Variants in IL1A observed in about 807,000 individuals in gnomAD.
The protein encoded by IL1A is interleukin 1 alpha, also known as interleukin-1 alpha.
In IL1A, 16 loss-of-function variants were observed where a neutral mutation model predicts 22.2. That is an observed-to-expected ratio of 0.72 (90% confidence interval 0.49 to 1.09). The LOEUF (loss-of-function observed/expected upper bound fraction) is 1.09. IL1A is among the 50% of genes least tolerant of loss of function. IL1A has a pLI of 0.00. For missense variants in IL1A, 317 were observed against 321.8 expected, an observed-to-expected ratio of 0.99 and a Z score of 0.11; for synonymous variants, 113 against 118.5, an observed-to-expected ratio of 0.95 and a Z score of 0.30.
intron 6 of IL1A, among the ~76,000 whole-genome samples, chr2:112,775,785 C>T (rs1050320781): frequency 6.6e-5 from 10 of 152,142 alleles, no homozygotes; most frequent in African/African-American, 2.4e-4. Flanking sequence ...CACATACACA[C>T]AAAATTCCTA....
chr2:112,775,756 G>A (rs3783548), intron 6 of IL1A, among the ~76,000 whole-genome samples: 141,762 of 152,034 alleles, frequency 0.93, 66,213 homozygotes, highest in East Asian at 1. Context: ...TTAAACACAC[G>A]CACACACATA....
Position 112,775,107 on chromosome 2 carries a change from G to A in IL1A, c.776C>T (p.Pro259Leu). The A allele has an allele frequency of 6.2e-7, 1 of 1,614,140 alleles. No homozygotes were observed. The change falls in exon 7 of 7, where the codon CCC (proline) becomes CTC (leucine). Residue 259 changes from proline to leucine, a missense_variant. Physicochemically the swap from Pro to Leu is moderately conservative, Grantham distance 98. Transcript: ENST00000263339. ...CAGTATCTGAAAGTCAGTGATAGAG[G>A]GTGGCCCCCCTGCCAAGCACACCCA... ...DYWVCLAGGP[P>L]SITDFQILEN...
intron 5 of IL1A, among the ~76,000 whole-genome samples, 161 bp downstream of exon 5, chr2:112,779,335 G>A (rs944317507): frequency 6.6e-6 from 1 of 151,932 alleles, no homozygotes; most frequent in South Asian, 2.1e-4. Context: ...CCTGGCTTGG[G>A]ATTTTTATGG....
chr2:112,782,874 T>C, intron 2 of IL1A, 110 bp from the exon 3 acceptor site: 2 of 728,300 alleles, frequency 2.7e-6, no homozygotes, highest in South Asian at 3.3e-5. Context: ...CACATGGCCA[T>C]TACTGTCATC....
At chr2:112,778,674 A>G (rs1681143074) in intron 5 of IL1A, among the ~76,000 whole-genome samples, 1 of 152,232 alleles carries the variant, frequency 6.6e-6, no homozygotes. Flanking sequence ...ATTTGCAATC[A>G]AGCTATTTAG....
intron 5 of IL1A, 70 bp from the exon 6 acceptor site, chr2:112,778,181 TTGTGTGTGCATGGTGTGTG>T: frequency 7.7e-7 from 1 of 1,292,074 alleles, no homozygotes; most frequent in Non-Finnish European, 1.1e-6. Context: ...TTGATGTAGA[TTGTGTGTGCATGGTGTGTG>T]TGTGTGTGTG....
rs1681130006 is a variant in IL1A, at chr2:112,778,069, G to A, written c.533C>T (p.Ala178Val). The change falls in exon 6 of 7, where the codon GCT becomes GTT. Residue 178 changes from alanine (A) to valine (V), a missense_variant. Coordinates refer to ENST00000263339, the MANE Select transcript of IL1A (RefSeq NM_000575.5). Reference protein sequence around the residue: ...MGAYKSSKDDAKITVILRISK... With the variant: ...MGAYKSSKDDVKITVILRISK... ...GATTCTTAGAATCACGGTAATTTTA[G>A]CATCATCCTTTGATGACTTATAAGC... The A allele has an allele frequency of 1.2e-6, 2 of 1,613,840 alleles. No homozygotes were observed. Among genetic ancestry groups the A allele is most frequent in the East Asian group, 4.5e-5 (2 of 44,872 alleles).
chr2:112,775,621 C>A (rs138530022), intron 6 of IL1A, among the ~76,000 whole-genome samples: 4 of 152,264 alleles, frequency 2.6e-5, no homozygotes, highest in African/African-American at 9.6e-5. Context: ...TGCATCAAAT[C>A]TGAGCACTAC....
In IL1A at chr2:112,774,513, AT is replaced by A. The variant is rs755139086; in HGVS notation, c.*553del. On this transcript the variant is annotated 3_prime_UTR_variant, in exon 7 of 7. Coordinates refer to ENST00000263339, the MANE Select transcript of IL1A (RefSeq NM_000575.5). ...ATCTTGAGGCTCGGCTTCAAGAAGT[AT>A]TTTACCAAAATGACCTCCCTGATTA... 1.8e-4 allele frequency: 27 copies of A among 152,146 alleles called. No individual in the cohort carries two copies. Among genetic ancestry groups the A allele is most frequent in the African/African-American group, 6.0e-4 (25 of 41,536 alleles). 9.4% of individuals were successfully genotyped at this position (152,146 alleles called of 1,614,324 possible). A position where few individuals can be genotyped will look rare whatever the true frequency, so the allele number is the denominator to read the frequency against.
intron 6 of IL1A, among the ~76,000 whole-genome samples, chr2:112,775,498 G>T (rs559448121): frequency 2.0e-5 from 3 of 152,320 alleles, no homozygotes; most frequent in Admixed American, 2.0e-4. Flanking sequence ...TGATTGGAGA[G>T]AGATCTAAAT....
At chr2:112,783,662 G>T in intron 2 of IL1A, 62 bp downstream of exon 2, 1 of 1,425,448 alleles carries the variant, frequency 7.0e-7, no homozygotes, top group Non-Finnish European at 9.9e-7. Context: ...GTTATGCCTA[G>T]CTGGATTCTG....
At chr2:112,778,985 AC>A (rs1354835303) in intron 5 of IL1A, among the ~76,000 whole-genome samples, 18 of 152,184 alleles carry the variant, frequency 1.2e-4, no homozygotes, top group Admixed American at 3.3e-4. Context: ...AAGTTTTTGG[AC>A]ACTAAACTTC....
rs1485166049 is a variant in IL1A at position 112,778,095 on chromosome 2, A to G, written c.507T>C (p.Gly169=). The G allele has an allele frequency of 6.2e-7, 1 of 1,613,010 alleles. No individual in the cohort carries two copies. Among genetic ancestry groups the G allele is most frequent in the East Asian group, 2.2e-5 (1 of 44,888 alleles). ...NLDEAVKFDM[G]AYKSSKDDAK... ...CATCATCCTTTGATGACTTATAAGC[A>G]CCCATGTCAAATTTCACTGGTGAAG... is the stretch of plus-strand genomic sequence containing the variant. Residue 169 remains glycine (G), a synonymous_variant, in exon 6 of 7, where the codon GGT becomes GGC. Coordinates refer to ENST00000263339, the MANE Select transcript of IL1A (RefSeq NM_000575.5).
chr2:112,778,925 A>G (rs994093968), intron 5 of IL1A, among the ~76,000 whole-genome samples: 3 of 152,188 alleles, frequency 2.0e-5, no homozygotes, highest in Non-Finnish European at 4.4e-5. Context: ...AAATATGTAT[A>G]CTGTTGAAAC....
At chr2:112,782,299 TTTCAA>T (rs1681223340) in intron 3 of IL1A, among the ~76,000 whole-genome samples, 1 of 152,236 alleles carries the variant, frequency 6.6e-6, no homozygotes, top group Non-Finnish European at 1.5e-5. Context: ...GACTTCTCAC[TTTCAA>T]CTGGCTTGCT....
chr2:112,774,852 GATTGGTACTATGCAAAAT>G lies in IL1A; in HGVS notation c.*197_*214del. On this transcript the variant is annotated 3_prime_UTR_variant, in exon 7 of 7. Coordinates refer to ENST00000263339, the MANE Select transcript of IL1A (RefSeq NM_000575.5). ...TGTTATGAAGAATAATAATTAAAAT[GATTGGTACTATGCAAAAT>G]ATAGGGTGTTCTTTAAATAACAACA... 8.0e-6 allele frequency: 4 copies of G among 496,904 alleles called. No individual in the cohort carries two copies. The South Asian group carries it at 1.1e-4, about 13-fold the overall frequency. 30.8% of individuals were successfully genotyped at this position (496,904 alleles called of 1,614,324 possible).
chr2:112,784,011 C>A (rs1681259121), intron 1 of IL1A, among the ~76,000 whole-genome samples: 1 of 152,178 alleles, frequency 6.6e-6, no homozygotes, highest in Non-Finnish European at 1.5e-5. Flanking sequence ...TCCTTATGTG[C>A]CCAACCTAAT....
chr2:112,779,711 A>G, intron 4 of IL1A, 45 bp from the exon 5 acceptor site: 1 of 1,451,824 alleles, frequency 6.9e-7, no homozygotes, highest in Non-Finnish European at 9.6e-7. Context: ...ATGTACAAAC[A>G]CAGATGATAT....
rs766341367 is a variant in IL1A at position 112,774,213 on chromosome 2, A to C, written c.*854T>G. 14 of 152,176 alleles carry C rather than the reference A, an allele frequency of 9.2e-5. No homozygotes were observed. Among genetic ancestry groups the C allele is most frequent in the Non-Finnish European group, 1.6e-4 (11 of 68,026 alleles). The allele number at this position is 152,176 out of a possible 1,614,324, so 9.4% of individuals were successfully genotyped here. On this transcript the variant is annotated 3_prime_UTR_variant, in exon 7 of 7. Transcript: ENST00000263339. The stretch of plus-strand genomic sequence containing the variant: ...GACCAATTACTGGCTCAAGGTAATT[A>C]ATGTACATTTATTATATGATTACAG...
Sources: gnomAD v4.1 joint callset for allele counts (sites outside exome capture counted in the v4.1 genomes callset) on GRCh38, gnomAD v4.1.1 for gene constraint, MANE v1.5 for transcripts, NCBI Gene and HGNC (gene_info 2026-07-23, HGNC 2026-07-21) for gene names.